The following PPP1CB variants were observed in gnomAD, a reference collection of about 807,000 sequenced individuals.
PPP1CB encodes protein phosphatase 1 catalytic subunit beta, also known as serine/threonine-protein phosphatase PP1-beta catalytic subunit.
In PPP1CB, 2 loss-of-function variants were observed where a neutral mutation model predicts 43.7. The ratio of observed to expected loss-of-function variants is 0.05; its 90% CI spans 0.02 to 0.14. The LOEUF is 0.14. Ranked by LOEUF, PPP1CB falls within the 10% of genes least tolerant of loss-of-function variation. The pLI is 1.00. For synonymous variants in PPP1CB, 136 were observed against 135.6 expected (o/e 1.00, Z -0.02); for missense variants, 84 against 398.0 (o/e 0.21, Z 6.71).
intron 1 of PPP1CB, among the ~76,000 whole-genome samples, chr2:28,763,898 G>T (rs1666718654): frequency 6.8e-6 from 1 of 147,214 alleles, no homozygotes; most frequent in South Asian, 2.3e-4. Context: ...TAGAGACGGG[G>T]TTTCAGCATG....
At chr2:28,759,492 C>T (rs529245579) in intron 1 of PPP1CB, among the ~76,000 whole-genome samples, 1 of 133,812 alleles carries the variant, frequency 7.5e-6, no homozygotes, top group African/African-American at 2.8e-5. Flanking sequence ...TGCTCTCCAG[C>T]CTGGGCGAAA....
At chr2:28,778,234 G>A (rs1667081266) in intron 2 of PPP1CB, 5 of 377,392 alleles carry the variant, frequency 1.3e-5, no homozygotes, top group Admixed American at 1.3e-4. Flanking sequence ...AGTGACGTAA[G>A]TTAAACTACC....
chr2:28,758,750 C>G (rs1186995438), intron 1 of PPP1CB, among the ~76,000 whole-genome samples: 1 of 152,166 alleles, frequency 6.6e-6, no homozygotes, highest in African/African-American at 2.4e-5. Context: ...GTATGTATAA[C>G]CTTCGTGAAC....
At chr2:28,760,382 ATT>A (rs1452583270) in intron 1 of PPP1CB, among the ~76,000 whole-genome samples, 2 of 152,216 alleles carry the variant, frequency 1.3e-5, no homozygotes, top group African/African-American at 4.8e-5. Flanking sequence ...CTGTATATAC[ATT>A]GTGCCTTTTC....
chr2:28,778,250 A>G (rs1667081653), intron 2 of PPP1CB: 1 of 399,508 alleles, frequency 2.5e-6, no homozygotes, highest in Middle Eastern at 9.0e-4. Context: ...CTACCAGATA[A>G]TAAAATTGTT....
intron 6 of PPP1CB, among the ~76,000 whole-genome samples, chr2:28,790,294 C>T (rs1667359957): frequency 6.6e-6 from 1 of 152,028 alleles, no homozygotes; most frequent in Non-Finnish European, 1.5e-5. Context: ...AAAAAGAGAA[C>T]ATTTGATTGT....
chr2:28,765,469 A>C (rs911063343), intron 1 of PPP1CB, among the ~76,000 whole-genome samples: 8 of 152,250 alleles, frequency 5.3e-5, no homozygotes, highest in African/African-American at 1.9e-4. Context: ...CCTCGGCTGC[A>C]CAGTTAAATG....
rs145834345 is a variant in PPP1CB at position 28,769,169 on chromosome 2, T to C, written c.53-7682T>C. On this transcript the variant is annotated intron_variant, in intron 1 of 7. Transcript: ENST00000395366. The stretch of plus-strand genomic sequence containing the variant: ...ATGGCTGATCTATCACCTGAAACTG[T>C]GGAAGACAGAAGACAATAGAATGGT... Among the ~76,000 whole-genome samples, 573 of 152,308 alleles carry C rather than the reference T, an allele frequency of 3.8e-3. 6 individuals are homozygous for C. Among genetic ancestry groups the C allele is most frequent in the African/African-American group, 0.013 (542 of 41,564 alleles).
intron 6 of PPP1CB, among the ~76,000 whole-genome samples, chr2:28,792,479 A>G (rs1217408048): frequency 6.6e-6 from 1 of 152,164 alleles, no homozygotes; most frequent in Non-Finnish European, 1.5e-5. Context: ...CCAAGATTGC[A>G]CCACTACACT....
rs1055291526 is a variant in PPP1CB, at chr2:28,752,167, C to T, written c.43C>T (p.Leu15=). The stretch of plus-strand genomic sequence containing the variant: ...GAACGTGGACAGCCTCATCACCCGG[C>T]TGCTGGAGGGTGAGTGCGCGCCTGG... ...ELNVDSLITR[L]LEVRGCRPGK... Residue 15 remains leucine, a synonymous_variant, in exon 1 of 8, where the codon CTG becomes TTG. Coordinates refer to ENST00000395366, the MANE Select transcript of PPP1CB (RefSeq NM_002709.3). 9.0e-6 allele frequency: 14 copies of T among 1,547,538 alleles called. No homozygotes were observed. The African/African-American group carries it at 1.8e-4, about 20-fold the overall frequency.
chr2:28,784,929 A>AAAG (rs1558307531), intron 5 of PPP1CB, among the ~76,000 whole-genome samples: 1 of 116,888 alleles, frequency 8.6e-6, no homozygotes, highest in Non-Finnish European at 1.8e-5. Context: ...AAAAAAAAAA[A>AAAG]AAAAAGAAAA....
chr2:28,784,310 A>G (rs945034490), intron 5 of PPP1CB, among the ~76,000 whole-genome samples: 1 of 152,210 alleles, frequency 6.6e-6, no homozygotes, highest in Non-Finnish European at 1.5e-5. Context: ...AAATTAGACA[A>G]AAGTTTTTTA....
At chr2:28,770,650 G>T (rs1666887261) in intron 1 of PPP1CB, among the ~76,000 whole-genome samples, 1 of 152,100 alleles carries the variant, frequency 6.6e-6, no homozygotes, top group Non-Finnish European at 1.5e-5. Flanking sequence ...CCATAGATCA[G>T]TGCCCCTCTT....
intron 1 of PPP1CB, among the ~76,000 whole-genome samples, chr2:28,767,099 A>G (rs951404831): frequency 6.6e-6 from 1 of 151,460 alleles, no homozygotes; most frequent in Non-Finnish European, 1.5e-5. Context: ...AAAAAAGTTT[A>G]TTGTCTCAAA....
At chr2:28,779,886 A>G (rs1264846739) in intron 3 of PPP1CB, among the ~76,000 whole-genome samples, 1 of 152,116 alleles carries the variant, frequency 6.6e-6, no homozygotes, top group Non-Finnish European at 1.5e-5. Flanking sequence ...CACAATACAG[A>G]TGATCTCTGT....
chr2:28,776,801 T>G, intron 1 of PPP1CB, 50 bp from the exon 2 acceptor site: 1 of 1,555,814 alleles, frequency 6.4e-7, no homozygotes, highest in Non-Finnish European at 8.8e-7. Context: ...TTTGAAAGAT[T>G]ATTATGAGTA....
intron 1 of PPP1CB, among the ~76,000 whole-genome samples, chr2:28,775,308 C>T (rs749940897): frequency 1.2e-4 from 19 of 152,148 alleles, no homozygotes; most frequent in Non-Finnish European, 2.6e-4. Flanking sequence ...GGGGTTTCAT[C>T]GTGTTGCCCA....
chr2:28,762,691 A>G lies in PPP1CB; in HGVS notation c.52+10515A>G, dbSNP rs142708141. Among the ~76,000 whole-genome samples, 147 of 152,342 alleles carry G rather than the reference A, an allele frequency of 9.6e-4. 1 individual carries two copies. The East Asian group carries it at 0.024, about 25-fold the overall frequency. The stretch of plus-strand genomic sequence containing the variant: ...TGTTCTCTTACATTAAAATCCATTG[A>G]TCTTTCTTGTACTTTAAATGGATCT... On this transcript the variant is annotated intron_variant, in intron 1 of 7. Coordinates refer to ENST00000395366, the MANE Select transcript of PPP1CB (RefSeq NM_002709.3).
chr2:28,795,755 C>T (rs943725983), intron 7 of PPP1CB, among the ~76,000 whole-genome samples: 2 of 152,002 alleles, frequency 1.3e-5, no homozygotes, highest in Admixed American at 6.6e-5. Context: ...TCTGTTTATT[C>T]TGTTGATAGT....
Sources: gnomAD v4.1 joint callset for allele counts (sites outside exome capture counted in the v4.1 genomes callset) on GRCh38, gnomAD v4.1.1 for gene constraint, MANE v1.5 for transcripts, NCBI Gene and HGNC (gene_info 2026-07-23, HGNC 2026-07-21) for gene names.